Variants in SPSB4 observed in about 807,000 individuals in gnomAD.
SPSB4 encodes the protein splA/ryanodine receptor domain and SOCS box containing 4.
SPSB4 carries 21 observed loss-of-function variants against 20.9 expected under a neutral mutation model. The observed-to-expected ratio is 1.01, with a 90% confidence interval of 0.71 to 1.45. The LOEUF is 1.45. Ranked by LOEUF, SPSB4 falls within the 40% of genes most tolerant of loss-of-function variation. The pLI, the probability that SPSB4 is intolerant of heterozygous loss-of-function variation, is 0.00. For synonymous variants in SPSB4, 207 were observed against 183.8 expected (o/e 1.13, Z -1.02); for missense variants, 399 against 399.2 (o/e 1.00, Z 0.00).
At chr3:141,072,478 A>G (rs1938025943) in intron 2 of SPSB4, among the ~76,000 whole-genome samples, 1 of 152,098 alleles carries the variant, frequency 6.6e-6, no homozygotes, top group Non-Finnish European at 1.5e-5. Context: ...AGTTCTCACT[A>G]TTAGTTCATG....
At chr3:141,077,269 G>C (rs948342870) in intron 2 of SPSB4, 1 of 152,216 alleles carries the variant, frequency 6.6e-6, no homozygotes, top group South Asian at 2.1e-4. Context: ...TGCCGTGCAG[G>C]CTCTCCCCGG....
intron 1 of SPSB4, among the ~76,000 whole-genome samples, chr3:141,057,635 A>G (rs1319835741): frequency 6.6e-6 from 1 of 152,162 alleles, no homozygotes; most frequent in Non-Finnish European, 1.5e-5. Context: ...AAGAGACATC[A>G]TGTCCCCTTG....
chr3:141,087,081 A>G (rs965759012), intron 2 of SPSB4, among the ~76,000 whole-genome samples: 6 of 152,230 alleles, frequency 3.9e-5, no homozygotes, highest in Non-Finnish European at 7.3e-5. Flanking sequence ...CGCACAGCAC[A>G]GAGGACTAGG....
At chr3:141,132,652 G>GTATATATA (rs61229879) in intron 2 of SPSB4, among the ~76,000 whole-genome samples, 1 of 148,506 alleles carries the variant, frequency 6.7e-6, no homozygotes, top group South Asian at 2.2e-4. Context: ...CAAGGTGTGT[G>GTATATATA]TATATATATA....
intron 2 of SPSB4, among the ~76,000 whole-genome samples, chr3:141,072,745 A>G (rs1438409397): frequency 1.3e-5 from 2 of 152,238 alleles, no homozygotes. Context: ...AAAGCTGTGC[A>G]TGTGGCAACA....
At chr3:141,064,380 A>G (rs1417071525) in intron 1 of SPSB4, among the ~76,000 whole-genome samples, 1 of 152,204 alleles carries the variant, frequency 6.6e-6, no homozygotes, top group Non-Finnish European at 1.5e-5. Context: ...TTATTCTGCT[A>G]TCTTAAAACT....
intron 2 of SPSB4, chr3:141,132,039 G>T: frequency 5.2e-6 from 1 of 192,528 alleles, no homozygotes; most frequent in Non-Finnish European, 1.1e-5. Context: ...AATTTCAACA[G>T]GTGGTTTTTG....
chr3:141,066,633 C>T lies in SPSB4; in HGVS notation c.529C>T (p.Leu177=). Residue 177 remains leucine (L), a synonymous_variant, in exon 2 of 3, where the codon CTG becomes TTG. Transcript: ENST00000310546. The part of the protein sequence containing the change: ...PDEAFALPDS[L]LVVLDMDEGT... The stretch of plus-strand genomic sequence containing the variant: ...CGAGGCCTTTGCGCTGCCCGACTCG[C>T]TGCTCGTGGTGCTGGACATGGATGA... The T allele has an allele frequency of 6.2e-7, 1 of 1,610,276 alleles. No individual in the cohort carries two copies.
chr3:141,057,560 C>T (rs1465563632), intron 1 of SPSB4, among the ~76,000 whole-genome samples: 9 of 152,188 alleles, frequency 5.9e-5, no homozygotes, highest in African/African-American at 9.7e-5. Context: ...TCCATGGGGA[C>T]TCTGATGAGG....
intron 2 of SPSB4, among the ~76,000 whole-genome samples, chr3:141,081,647 CG>C (rs1459958215): frequency 6.9e-6 from 1 of 145,964 alleles, no homozygotes; most frequent in Non-Finnish European, 1.5e-5. Flanking sequence ...AGGAGCTCTG[CG>C]GGGGGAGGGG....
At chr3:141,055,442 AG>A (rs1484600168) in intron 1 of SPSB4, among the ~76,000 whole-genome samples, 1 of 152,104 alleles carries the variant, frequency 6.6e-6, no homozygotes, top group Non-Finnish European at 1.5e-5. Flanking sequence ...AGCAGCCTGG[AG>A]GGCCCCTGGG....
chr3:141,134,525 T>G (rs968677064), intron 2 of SPSB4, among the ~76,000 whole-genome samples: 4 of 151,532 alleles, frequency 2.6e-5, no homozygotes, highest in Non-Finnish European at 5.9e-5. Flanking sequence ...CTTTTAATCA[T>G]AAAGGGATGC....
Position 141,145,876 on chromosome 3 carries a change from A to G in SPSB4, c.695-1266A>G, listed in dbSNP as rs372286890. On this transcript the variant is annotated intron_variant, in intron 2 of 2. Coordinates refer to ENST00000310546, the MANE Select transcript of SPSB4 (RefSeq NM_080862.3). Reference sequence around the variant, plus strand: ...TTTGCCTGTTCTCTCTGCCTAGGATACCCTCCCCACCCTTATGTGCCTTTA... The same window carrying G: ...TTTGCCTGTTCTCTCTGCCTAGGATGCCCTCCCCACCCTTATGTGCCTTTA... Among the ~76,000 whole-genome samples, 20 of 151,298 alleles carry G rather than the reference A, an allele frequency of 1.3e-4. No homozygotes were observed. The East Asian group carries it at 3.5e-3, about 26-fold the overall frequency.
intron 2 of SPSB4, among the ~76,000 whole-genome samples, chr3:141,075,697 C>T (rs1338924168): frequency 1.3e-5 from 2 of 152,014 alleles, no homozygotes; most frequent in African/African-American, 2.4e-5. Flanking sequence ...CTTATCCCCA[C>T]GCCCCACCAT....
At chr3:141,126,506 C>T (rs893129229) in intron 2 of SPSB4, among the ~76,000 whole-genome samples, 3 of 152,120 alleles carry the variant, frequency 2.0e-5, no homozygotes, top group Non-Finnish European at 4.4e-5. Context: ...AATTTCCAAC[C>T]GGGGTTCCAG....
intron 2 of SPSB4, among the ~76,000 whole-genome samples, chr3:141,084,081 A>G (rs1938295244): frequency 6.6e-6 from 1 of 152,180 alleles, no homozygotes; most frequent in Admixed American, 6.5e-5. Flanking sequence ...GCAGTGTGGG[A>G]AGCCCGGCGT....
chr3:141,077,457 A>G (rs1559842650), intron 2 of SPSB4: 1 of 152,238 alleles, frequency 6.6e-6, no homozygotes, highest in Non-Finnish European at 1.5e-5. Flanking sequence ...CCTTGTCATC[A>G]TCCCAGCTTT....
At chr3:141,072,411 T>C (rs1322585269) in intron 2 of SPSB4, among the ~76,000 whole-genome samples, 5 of 152,158 alleles carry the variant, frequency 3.3e-5, no homozygotes, top group East Asian at 1.9e-4. Flanking sequence ...TGGGAGGTGA[T>C]TGGGCCGTGG....
intron 2 of SPSB4, among the ~76,000 whole-genome samples, chr3:141,095,558 C>A (rs1938534275): frequency 6.6e-6 from 1 of 152,010 alleles, no homozygotes. Flanking sequence ...AGACATCAGG[C>A]AGAAGAAGGG....
Sources: allele counts gnomAD v4.1 joint callset (sites outside exome capture counted in the v4.1 genomes callset), GRCh38; gene constraint gnomAD v4.1.1; transcripts MANE v1.5; gene names NCBI Gene and HGNC (gene_info 2026-07-23, HGNC 2026-07-21).